Variants in RTN4IP1 observed in about 807,000 individuals in gnomAD.
RTN4IP1 encodes reticulon 4 interacting protein 1.
RTN4IP1 carries 32 observed loss-of-function variants against 46.6 expected under a neutral mutation model. The observed-to-expected ratio is 0.69, with a 90% CI of 0.52 to 0.92. RTN4IP1 has a LOEUF of 0.92. Ranked by LOEUF, RTN4IP1 falls within the 40% of genes least tolerant of loss-of-function variation. The pLI is 0.00. For synonymous variants in RTN4IP1, 167 were observed against 161.8 expected, an observed-to-expected ratio of 1.03 and a Z score of -0.24; for missense variants, 424 against 485.8, an observed-to-expected ratio of 0.87 and a Z score of 1.20.
chr6:106,601,967 T>C (rs974002167), intron 5 of RTN4IP1, among the ~76,000 whole-genome samples: 1 of 152,206 alleles, frequency 6.6e-6, no homozygotes, highest in African/African-American at 2.4e-5. Flanking sequence ...AACTTCATTC[T>C]TTTGCATGTG....
intron 8 of RTN4IP1, among the ~76,000 whole-genome samples, chr6:106,574,529 C>A (rs1249495215): frequency 6.6e-6 from 1 of 152,088 alleles, no homozygotes; most frequent in Non-Finnish European, 1.5e-5. Flanking sequence ...ATGCTGTTTT[C>A]AGGATGCTGT....
intron 8 of RTN4IP1, among the ~76,000 whole-genome samples, chr6:106,579,053 G>A (rs1775293517): frequency 6.6e-6 from 1 of 151,772 alleles, no homozygotes; most frequent in Non-Finnish European, 1.5e-5. Flanking sequence ...TGGCCAACAT[G>A]GTGAAACCCT....
At chr6:106,623,404 AGGAAGAG>A (rs1286871830) in intron 1 of RTN4IP1, among the ~76,000 whole-genome samples, 5 of 152,220 alleles carry the variant, frequency 3.3e-5, no homozygotes, top group Non-Finnish European at 7.3e-5. Flanking sequence ...GGGTGGGAAG[AGGAAGAG>A]GATCAAGAAA....
intron 5 of RTN4IP1, among the ~76,000 whole-genome samples, chr6:106,597,829 A>G (rs1313792737): frequency 6.6e-6 from 1 of 151,464 alleles, no homozygotes; most frequent in Admixed American, 6.6e-5. Context: ...ATATCTCCCA[A>G]CGCTATCCCT....
chr6:106,572,753 A>G (rs1228909465), intron 8 of RTN4IP1, among the ~76,000 whole-genome samples: 1 of 151,984 alleles, frequency 6.6e-6, no homozygotes, highest in Admixed American at 6.6e-5. Flanking sequence ...GGCTCCTTAC[A>G]GAGAGTGCAT....
At chr6:106,597,899 T>A (rs1332038266) in intron 5 of RTN4IP1, among the ~76,000 whole-genome samples, 1 of 152,004 alleles carries the variant, frequency 6.6e-6, no homozygotes, top group Non-Finnish European at 1.5e-5. Flanking sequence ...CCTGTGTCCA[T>A]GTGATCTCAT....
chr6:106,594,078 T>C (rs187136760), intron 5 of RTN4IP1, among the ~76,000 whole-genome samples: 1 of 152,344 alleles, frequency 6.6e-6, no homozygotes, highest in East Asian at 1.9e-4. Flanking sequence ...TCCTCAAATT[T>C]CTGGTTTTTC....
intron 1 of RTN4IP1, among the ~76,000 whole-genome samples, chr6:106,624,489 A>G (rs1490254597): frequency 3.3e-5 from 5 of 151,828 alleles, no homozygotes; most frequent in African/African-American, 1.2e-4. Flanking sequence ...AGTTGGGATT[A>G]CAGGTGTGCG....
chr6:106,582,880 A>G (rs1484838371), intron 8 of RTN4IP1, among the ~76,000 whole-genome samples: 1 of 152,128 alleles, frequency 6.6e-6, no homozygotes, highest in Non-Finnish European at 1.5e-5. Context: ...ATCCCCATCA[A>G]TCCTCACTCA....
rs2114679954 is a variant in RTN4IP1 at position 106,621,325 on chromosome 6, C to T, written c.495+100G>A. On this transcript the variant is annotated intron_variant, in intron 3 of 8. Transcript: ENST00000369063. Reference sequence around the variant, plus strand: ...TATATTATCTTTTTATAAACTGCCCCATCAAACATAAACTAGATCTGAAAA... The same window carrying T: ...TATATTATCTTTTTATAAACTGCCCTATCAAACATAAACTAGATCTGAAAA... 1.3e-5 allele frequency: 11 copies of T among 864,678 alleles called. No individual in the cohort carries two copies. The South Asian group carries it at 1.6e-4, about 12-fold the overall frequency. The allele number at this position is 864,678 out of a possible 1,614,324, so 53.6% of individuals were successfully genotyped here.
intron 4 of RTN4IP1, among the ~76,000 whole-genome samples, chr6:106,605,035 G>A (rs2114658430): frequency 6.6e-6 from 1 of 152,296 alleles, no homozygotes; most frequent in South Asian, 2.1e-4. Flanking sequence ...CTGAGGACTA[G>A]TCCACCCAAA....
At chr6:106,591,055 AAC>A (rs1775648888) in intron 6 of RTN4IP1, among the ~76,000 whole-genome samples, 1 of 152,180 alleles carries the variant, frequency 6.6e-6, no homozygotes, top group African/African-American at 2.4e-5. Context: ...GCAACACACA[AAC>A]ACACAAATCC....
chr6:106,629,843 C>T (rs545989077), upstream of RTN4IP1: 43 of 1,041,288 alleles, frequency 4.1e-5, 1 homozygote, highest in South Asian at 5.3e-4. Flanking sequence ...GGATAAGTAC[C>T]TTTCGATTCT....
At chr6:106,602,752 A>C (rs1775976752) in intron 5 of RTN4IP1, 122 bp downstream of exon 5, 1 of 583,250 alleles carries the variant, frequency 1.7e-6, no homozygotes, top group Non-Finnish European at 2.9e-6. Context: ...GAACAAGCTG[A>C]AATTACAGTA....
chr6:106,630,441 A>G (rs1479104409), upstream of RTN4IP1, among the ~76,000 whole-genome samples: 1 of 152,202 alleles, frequency 6.6e-6, no homozygotes, highest in Non-Finnish European at 1.5e-5. Context: ...TTTCATATCC[A>G]ATAAATCACT....
intron 4 of RTN4IP1, among the ~76,000 whole-genome samples, chr6:106,605,534 C>A (rs1776043574): frequency 6.6e-6 from 1 of 151,764 alleles, no homozygotes; most frequent in Non-Finnish European, 1.5e-5. Context: ...TACAAAGATG[C>A]TGGGTGCAGT....
chr6:106,571,872 G>T lies in RTN4IP1; in HGVS notation c.*124C>A. 3.3e-6 allele frequency: 2 copies of T among 599,964 alleles called. No homozygotes were observed. The highest frequency in any genetic ancestry group is 3.0e-6 in the Non-Finnish European group (1 of 336,886). 37.2% of individuals were successfully genotyped at this position (599,964 alleles called of 1,614,324 possible). ...CAAAATGGTGTGTTTATTTTTTAAA[G>T]CTTGTATCATGGAATGTATAATCTA... On this transcript the variant is annotated 3_prime_UTR_variant, in exon 9 of 9. Transcript: ENST00000369063.
chr6:106,603,896 T>A (rs1776001235), intron 4 of RTN4IP1, among the ~76,000 whole-genome samples: 2 of 152,128 alleles, frequency 1.3e-5, no homozygotes, highest in African/African-American at 4.8e-5. Flanking sequence ...TTATAAAAAG[T>A]GATTGTTTGA....
chr6:106,589,989 T>C (rs957584941), intron 6 of RTN4IP1, among the ~76,000 whole-genome samples: 1 of 152,172 alleles, frequency 6.6e-6, no homozygotes, highest in Non-Finnish European at 1.5e-5. Context: ...TGTCAAGTTC[T>C]CCTACTCTCT....
Sources: gnomAD v4.1 joint callset for allele counts (sites outside exome capture counted in the v4.1 genomes callset) on GRCh38, gnomAD v4.1.1 for gene constraint, MANE v1.5 for transcripts, NCBI Gene and HGNC (gene_info 2026-07-23, HGNC 2026-07-21) for gene names.